PHIP: variants seen among roughly 807,000 people sequenced by gnomAD.
The protein encoded by PHIP is PHIP subunit of CUL4-Ring ligase complex.
Under a neutral mutation model 236.8 loss-of-function variants are expected in PHIP, and 54 were observed. That is an observed-to-expected ratio of 0.23 (90% confidence interval 0.18 to 0.29). The LOEUF is 0.29. Among genes scored for constraint, PHIP ranks in the 10% least tolerant of loss-of-function variants. The probability of loss-of-function intolerance (pLI) is 1.00; values close to 1 mark genes in which losing one functional copy is unlikely to be tolerated. For synonymous variants in PHIP, 756 were observed against 718.9 expected, an observed-to-expected ratio of 1.05 and a Z score of -0.83; for missense variants, 1,370 against 2,190.8, an observed-to-expected ratio of 0.63 and a Z score of 7.48.
At chr6:79,022,747 T>TA (rs1771184181) in intron 9 of PHIP, among the ~76,000 whole-genome samples, 1 of 152,200 alleles carries the variant, frequency 6.6e-6, no homozygotes, top group Non-Finnish European at 1.5e-5. Flanking sequence ...CTTAGCCACT[T>TA]AGACTACCCA....
intron 38 of PHIP, 154 bp downstream of exon 38, chr6:78,945,847 A>T: frequency 1.5e-6 from 1 of 646,142 alleles, no homozygotes; most frequent in Non-Finnish European, 2.7e-6. Flanking sequence ...TCTTCTTATT[A>T]AAAACTTTTT....
At chr6:78,975,787 G>T (rs932563960) in intron 24 of PHIP, among the ~76,000 whole-genome samples, 48 of 151,530 alleles carry the variant, frequency 3.2e-4, no homozygotes, top group African/African-American at 1.1e-3. Context: ...GCTTCAAAGA[G>T]AATAAAATAC....
chr6:78,978,803 A>G, intron 23 of PHIP, 92 bp from the exon 24 acceptor site: 1 of 1,032,206 alleles, frequency 9.7e-7, no homozygotes, highest in Non-Finnish European at 1.4e-6. Flanking sequence ...AGATAATTAA[A>G]TAAAAGGGGA....
chr6:79,029,967 C>T (rs939357861), intron 7 of PHIP, among the ~76,000 whole-genome samples: 1 of 151,936 alleles, frequency 6.6e-6, no homozygotes, highest in Non-Finnish European at 1.5e-5. Flanking sequence ...GATCAATAAG[C>T]CAAAGAGTAA....
chr6:78,958,781 G>C (rs555171518), intron 31 of PHIP, among the ~76,000 whole-genome samples, 181 bp from the exon 32 acceptor site: 37 of 152,092 alleles, frequency 2.4e-4, no homozygotes, highest in African/African-American at 8.7e-4. Context: ...AAAAAAGAGG[G>C]GCAACCATAA....
chr6:78,992,270 T>C (rs1769316257), intron 19 of PHIP, among the ~76,000 whole-genome samples: 1 of 152,030 alleles, frequency 6.6e-6, no homozygotes, highest in South Asian at 2.1e-4. Context: ...CCCAAAATGG[T>C]AACATTTTGC....
At chr6:78,991,411 A>T (rs1769237808) in intron 19 of PHIP, among the ~76,000 whole-genome samples, 1 of 151,702 alleles carries the variant, frequency 6.6e-6, no homozygotes, top group African/African-American at 2.4e-5. Flanking sequence ...CCCTGAGGTT[A>T]CACGGAAAGC....
chr6:79,021,070 TG>T (rs1213516384), intron 9 of PHIP, among the ~76,000 whole-genome samples: 1 of 152,218 alleles, frequency 6.6e-6, no homozygotes, highest in Non-Finnish European at 1.5e-5. Flanking sequence ...TCATTGCTAA[TG>T]TTACTTATTT....
chr6:79,051,293 A>G (rs1482643914), intron 6 of PHIP, among the ~76,000 whole-genome samples: 6 of 152,198 alleles, frequency 3.9e-5, no homozygotes, highest in East Asian at 3.9e-4. Flanking sequence ...AATAGTAACT[A>G]TAATGAATGA....
intron 4 of PHIP, among the ~76,000 whole-genome samples, chr6:79,071,358 C>T (rs1339008951): frequency 6.6e-6 from 1 of 152,162 alleles, no homozygotes; most frequent in South Asian, 2.1e-4. Context: ...AAAATACTTA[C>T]ACTCCTCTAT....
intron 6 of PHIP, among the ~76,000 whole-genome samples, chr6:79,047,451 G>A (rs1772558831): frequency 6.6e-6 from 1 of 152,086 alleles, no homozygotes; most frequent in African/African-American, 2.4e-5. Flanking sequence ...TAATTCTATT[G>A]TCTATAGCAA....
In PHIP at chr6:78,955,744, A is replaced by T. The variant is rs536694670; in HGVS notation, c.3783-62T>A. ...ACCATGATAATTTTTTTCCTTAAAA[A>T]TTTGTTCGTAAAACCATATTTTAAG... On this transcript the variant is annotated intron_variant, in intron 32 of 39. Transcript: ENST00000275034. 54 of 626,322 alleles carry T rather than the reference A, an allele frequency of 8.6e-5. No homozygotes were observed. In the South Asian group the frequency reaches 1.2e-3, roughly 13 times the overall value. 38.8% of individuals were successfully genotyped at this position (626,322 alleles called of 1,614,324 possible). A position where few individuals can be genotyped will look rare whatever the true frequency, so the allele number is the denominator to read the frequency against.
At chr6:78,984,270 T>G (rs1047457458) in intron 22 of PHIP, among the ~76,000 whole-genome samples, 2 of 152,226 alleles carry the variant, frequency 1.3e-5, no homozygotes, top group African/African-American at 2.4e-5. Flanking sequence ...ACTATGAAAT[T>G]TAAAATGATT....
At chr6:79,042,175 T>C (rs1772253553) in intron 7 of PHIP, among the ~76,000 whole-genome samples, 1 of 152,036 alleles carries the variant, frequency 6.6e-6, no homozygotes, top group Non-Finnish European at 1.5e-5. Context: ...TTAAGGCACC[T>C]GAAAATCAAA....
intron 24 of PHIP, among the ~76,000 whole-genome samples, chr6:78,976,041 A>C (rs1768034065): frequency 6.6e-6 from 1 of 151,978 alleles, no homozygotes; most frequent in Non-Finnish European, 1.5e-5. Flanking sequence ...GTTCATATGG[A>C]ACCAAAAAAG....
chr6:78,952,466 C>A (rs1766107109), intron 35 of PHIP, among the ~76,000 whole-genome samples: 1 of 148,746 alleles, frequency 6.7e-6, no homozygotes, highest in Non-Finnish European at 1.5e-5. Flanking sequence ...AAAAAAAATT[C>A]TTGGCCATTA....
At chr6:79,069,351 T>TC (rs1245301129) in intron 4 of PHIP, among the ~76,000 whole-genome samples, 2 of 151,900 alleles carry the variant, frequency 1.3e-5, no homozygotes, top group Non-Finnish European at 2.9e-5. Flanking sequence ...ATCTATAATC[T>TC]TTAAAGAAAG....
chr6:78,971,868 G>A (rs1211545443), intron 24 of PHIP, among the ~76,000 whole-genome samples: 9 of 152,048 alleles, frequency 5.9e-5, no homozygotes, highest in East Asian at 3.9e-4. Context: ...CACCTGGCTC[G>A]GAGGGTCCTA....
At chr6:78,952,417 C>CAAAAAAAAAAACA (rs1313040595) in intron 35 of PHIP, among the ~76,000 whole-genome samples, 1 of 59,886 alleles carries the variant, frequency 1.7e-5, no homozygotes, top group African/African-American at 6.6e-5. Flanking sequence ...GACTCTGTCC[C>CAAAAAAAAAAACA]AAAAAAAAAA....
Sources: gnomAD v4.1 joint callset for allele counts (sites outside exome capture counted in the v4.1 genomes callset) on GRCh38, gnomAD v4.1.1 for gene constraint, MANE v1.5 for transcripts, NCBI Gene and HGNC (gene_info 2026-07-23, HGNC 2026-07-21) for gene names.